The following SLC26A5 variants were observed in gnomAD, a reference collection of about 807,000 sequenced individuals.
SLC26A5 encodes prestin.
SLC26A5 carries 51 observed loss-of-function variants against 81.0 expected under a neutral mutation model. That is an observed-to-expected ratio of 0.63 (90% CI 0.50 to 0.80). The LOEUF is 0.80. Ranked by LOEUF, SLC26A5 falls within the 30% of genes least tolerant of loss-of-function variation. SLC26A5 has a pLI of 0.00. For synonymous variants in SLC26A5, 325 were observed against 332.8 expected (o/e 0.98, Z 0.25); for missense variants, 771 against 905.8 (o/e 0.85, Z 1.91).
At chr7:103,408,379 G>T (rs1586311120) in intron 7 of SLC26A5, among the ~76,000 whole-genome samples, 1 of 151,804 alleles carries the variant, frequency 6.6e-6, no homozygotes, top group South Asian at 2.1e-4. Flanking sequence ...GGTGCCTGCC[G>T]CCACACCCAG....
Position 103,400,340 on chromosome 7 carries a change from CAT to C in SLC26A5, c.889-2328_889-2327del, listed in dbSNP as rs779377852. The stretch of plus-strand genomic sequence containing the variant: ...TGGCCAGTGATGATGAGCTTTTTTC[CAT>C]ATGTTTGTTGGCTGCATAAACGTCT... On this transcript the variant is annotated intron_variant, in intron 8 of 19. Coordinates refer to ENST00000306312, the MANE Select transcript of SLC26A5 (RefSeq NM_198999.3). Among the ~76,000 whole-genome samples the C allele has an allele frequency of 5.9e-5, 9 of 152,276 alleles. No homozygotes were observed. In the East Asian group the frequency reaches 9.7e-4, roughly 16 times the overall value.
chr7:103,374,705 C>CT lies in SLC26A5; in HGVS notation c.2042-114dup, dbSNP rs1021508704. The CT allele has an allele frequency of 0.056, 43,280 of 771,788 alleles. 21 individuals are homozygous for CT. Among genetic ancestry groups the CT allele is most frequent in the East Asian group, 0.062 (1,651 of 26,616 alleles). The allele number at this position is 771,788 out of a possible 1,614,324, so 47.8% of individuals were successfully genotyped here. The stretch of plus-strand genomic sequence containing the variant: ...TTTTTTTTGTTATTGTTTTTTGTTT[C>CT]TTTTTTTTTTTTGAGACAGAGTCTC... On this transcript the variant is annotated intron_variant, in intron 19 of 19. Coordinates refer to ENST00000306312, the MANE Select transcript of SLC26A5 (RefSeq NM_198999.3).
intron 4 of SLC26A5, among the ~76,000 whole-genome samples, chr7:103,417,390 A>G (rs1348641201): frequency 6.6e-6 from 1 of 151,770 alleles, no homozygotes; most frequent in Non-Finnish European, 1.5e-5. Context: ...AAAAAAGAAA[A>G]AAAAATAGAA....
intron 4 of SLC26A5, among the ~76,000 whole-genome samples, chr7:103,419,910 T>TAAAATAAAATAAAA (rs1825206200): frequency 6.6e-6 from 1 of 152,148 alleles, no homozygotes; most frequent in African/African-American, 2.4e-5. Context: ...ATTAAAATTT[T>TAAAATAAAATAAAA]TATATGTGCT....
chr7:103,443,390 A>G (rs1193900587), intron 1 of SLC26A5, among the ~76,000 whole-genome samples, 179 bp from the exon 2 acceptor site: 2 of 150,612 alleles, frequency 1.3e-5, no homozygotes, highest in Non-Finnish European at 2.9e-5. Flanking sequence ...ATTATATATA[A>G]TTATATCTTC....
intron 19 of SLC26A5, chr7:103,362,900 TCTC>T (rs1315310174): frequency 1.6e-6 from 1 of 629,440 alleles, no homozygotes; most frequent in African/African-American, 1.9e-5. Flanking sequence ...TTCAAGCAAT[TCTC>T]CTGCCTCAGC....
At position 103,408,047 on chromosome 7, in the gene SLC26A5, CCT is replaced by C. The variant is rs1824197002; in HGVS notation, c.736-46_736-45del. ...TGGATGTTTACATCAAGAAATCGCC[CCT>C]GAGAGAGACAGAGACACTCTAGCGC... On this transcript the variant is annotated intron_variant, in intron 7 of 19. Transcript: ENST00000306312. 5.0e-6 allele frequency: 8 copies of C among 1,612,816 alleles called. 1 individual carries two copies. In the South Asian group the frequency reaches 5.5e-5, roughly 11 times the overall value.
chr7:103,378,077 C>G (rs1383372767), intron 17 of SLC26A5, among the ~76,000 whole-genome samples: 1 of 152,064 alleles, frequency 6.6e-6, no homozygotes. Flanking sequence ...CCATTTTCTG[C>G]TAAAGTCTAA....
At chr7:103,359,305 G>T (rs1820239242) in intron 19 of SLC26A5, among the ~76,000 whole-genome samples, 1 of 151,624 alleles carries the variant, frequency 6.6e-6, no homozygotes, top group Non-Finnish European at 1.5e-5. Flanking sequence ...GCCAGCTTAT[G>T]AATTTTTTTA....
intron 18 of SLC26A5, 85 bp from the exon 19 acceptor site, chr7:103,376,947 A>G: frequency 1.1e-6 from 1 of 896,636 alleles, no homozygotes; most frequent in Admixed American, 1.8e-5. Context: ...TTCGTGATAG[A>G]AGACACTCTA....
chr7:103,361,851 T>A, intron 19 of SLC26A5: 1 of 1,102,112 alleles, frequency 9.1e-7, no homozygotes, highest in African/African-American at 1.6e-5. Context: ...TTTCTGTAGT[T>A]CTAGTTTATA....
In SLC26A5 at chr7:103,377,615, A is replaced by C. The variant is rs755158535; in HGVS notation, c.1970T>G (p.Val657Gly). The C allele has an allele frequency of 6.2e-7, 1 of 1,614,084 alleles. No homozygotes were observed. The highest frequency in any genetic ancestry group is 8.5e-7 in the Non-Finnish European group (1 of 1,179,992). The change falls in exon 18 of 20, where the codon GTG (valine) becomes GGG (glycine). Residue 657 changes from valine to glycine, a missense_variant. Val to Gly is a moderately radical substitution (Grantham distance 109). Coordinates refer to ENST00000306312, the MANE Select transcript of SLC26A5 (RefSeq NM_198999.3). ...TQVNFIDSVG[V>G]KTLAGIVKEY... The stretch of plus-strand genomic sequence containing the variant: ...GATGCTTACCCCTGCCAGAGTTTTC[A>C]CTCCAACAGAATCAATAAAATTGAC...
At chr7:103,439,832 G>A (rs1312090233) in intron 2 of SLC26A5, among the ~76,000 whole-genome samples, 1 of 152,156 alleles carries the variant, frequency 6.6e-6, no homozygotes, top group Non-Finnish European at 1.5e-5. Context: ...ACCGCAGTTG[G>A]CCTCCTTGCT....
At chr7:103,408,036 A>G in intron 7 of SLC26A5, 33 bp from the exon 8 acceptor site, 1 of 1,613,756 alleles carries the variant, frequency 6.2e-7, no homozygotes, top group East Asian at 2.2e-5. Flanking sequence ...TGTTTACATC[A>G]AGAAATCGCC....
At chr7:103,371,590 A>G (rs62482410), downstream of SLC26A5, among the ~76,000 whole-genome samples, 13,870 of 151,808 alleles carry the variant, frequency 0.091, 783 homozygotes, top group South Asian at 0.14. Flanking sequence ...CTCCCAAAGT[A>G]CTGGATTACA....
rs1453467518 is a variant in SLC26A5, at chr7:103,367,614, A to C, written c.2041+9194T>G. The C allele has an allele frequency of 6.2e-7, 1 of 1,613,770 alleles. No homozygotes were observed. The highest frequency in any genetic ancestry group is 1.1e-5 in the South Asian group (1 of 91,008). ...ATTGAATTTAGCTTGCCCGATCTAGAGGTAAGAAAACCATTTCATTTTAGG... is the reference window on the plus strand; with the variant it reads ...ATTGAATTTAGCTTGCCCGATCTAGCGGTAAGAAAACCATTTCATTTTAGG... On this transcript the variant is annotated intron_variant, in intron 19 of 19. Transcript: ENST00000339444. This position sits in a 1 kb window ranked among gnomAD's most constrained non-coding sequence, Gnocchi z 6.1.
intron 19 of SLC26A5, chr7:103,361,900 G>A: frequency 6.6e-7 from 1 of 1,520,366 alleles, no homozygotes; most frequent in African/African-American, 1.4e-5. Context: ...CTAGTTAGTT[G>A]AATTCATTAT....
chr7:103,358,750 A>AT (rs912900214), intron 19 of SLC26A5, among the ~76,000 whole-genome samples: 3 of 151,820 alleles, frequency 2.0e-5, no homozygotes, highest in Non-Finnish European at 4.4e-5. Context: ...ATCTAGGTAC[A>AT]TTTTTCTAGG....
intron 4 of SLC26A5, among the ~76,000 whole-genome samples, chr7:103,419,006 C>T (rs1825130586): frequency 6.6e-6 from 1 of 152,098 alleles, no homozygotes; most frequent in South Asian, 2.1e-4. Flanking sequence ...GCGGGTCTTT[C>T]CCATGCTGTC....
Sources: gnomAD v4.1 joint callset for allele counts (sites outside exome capture counted in the v4.1 genomes callset) on GRCh38, gnomAD v4.1.1 for gene constraint, Gnocchi (gnomAD v3.1) non-coding constraint, MANE v1.5 for transcripts, NCBI Gene and HGNC (gene_info 2026-07-23, HGNC 2026-07-21) for gene names.